The following FAT3 variants were observed in gnomAD, a reference collection of about 807,000 sequenced individuals.
FAT3 encodes FAT atypical cadherin 3, also known as protocadherin Fat 3.
Under a neutral mutation model 310.2 loss-of-function variants are expected in FAT3, and 95 were observed. The observed-to-expected ratio is 0.31, with a 90% CI of 0.26 to 0.36. The LOEUF is 0.36. FAT3 is among the 10% of genes least tolerant of loss of function. FAT3 has a pLI of 1.00. For missense variants in FAT3, 5,408 were observed against 5,715.6 expected (o/e 0.95, Z 1.74); for synonymous variants, 2,314 against 2,192.9 (o/e 1.06, Z -1.54).
At chr11:92,730,717 AT>A (rs1365123396) in intron 4 of FAT3, among the ~76,000 whole-genome samples, 3 of 152,248 alleles carry the variant, frequency 2.0e-5, no homozygotes, top group African/African-American at 7.2e-5. Context: ...TTATTAATGT[AT>A]TTTTAACATG....
At chr11:92,624,235 G>A (rs887196442) in intron 3 of FAT3, among the ~76,000 whole-genome samples, 1 of 152,216 alleles carries the variant, frequency 6.6e-6, no homozygotes, top group Non-Finnish European at 1.5e-5. Context: ...TGGTTGTGTA[G>A]TATTTTGCCG....
chr11:92,564,746 T>A (rs1161633227), intron 3 of FAT3, among the ~76,000 whole-genome samples: 2 of 149,482 alleles, frequency 1.3e-5, no homozygotes, highest in Admixed American at 6.7e-5. Context: ...TCAAAACCAC[T>A]CAACTACATG....
chr11:92,371,553 T>C (rs1949188491), intron 2 of FAT3, among the ~76,000 whole-genome samples: 1 of 152,098 alleles, frequency 6.6e-6, no homozygotes, highest in South Asian at 2.1e-4. Context: ...CCATCTCTAC[T>C]AAAAAATACA....
Position 92,836,647 on chromosome 11 carries a change from A to G in FAT3, c.10168A>G (p.Thr3390Ala), listed in dbSNP as rs769580731. Residue 3390 changes from threonine to alanine, a missense_variant, in exon 16 of 28, where the codon ACT (threonine) becomes GCT (alanine). Thr to Ala is a moderately conservative substitution (Grantham distance 58, BLOSUM62 0). Coordinates refer to ENST00000525166, the MANE Select transcript of FAT3 (RefSeq NM_001367949.2). ...GAATGGAGATCGGGACAATGAATTTACTGTAGATCCTGTCTTGGGACTTGT... is the reference window on the plus strand; with the variant it reads ...GAATGGAGATCGGGACAATGAATTTGCTGTAGATCCTGTCTTGGGACTTGT... ...IVNGDRDNEF[T>A]VDPVLGLVKV... The G allele has an allele frequency of 5.0e-6, 8 of 1,613,710 alleles. No homozygotes were observed. In the Admixed American group the frequency reaches 6.7e-5, roughly 13 times the overall value.
intron 2 of FAT3, among the ~76,000 whole-genome samples, chr11:92,412,181 C>T (rs956421078): frequency 1.1e-4 from 16 of 152,016 alleles, no homozygotes; most frequent in Non-Finnish European, 2.1e-4. Flanking sequence ...AGGCTCACTG[C>T]AATCTTTGCC....
chr11:92,849,825 A>G (rs1033570973), intron 19 of FAT3, among the ~76,000 whole-genome samples: 11 of 152,192 alleles, frequency 7.2e-5, no homozygotes, highest in Non-Finnish European at 4.4e-5. Context: ...TGCTGGAGAT[A>G]CAGTGGTGAA....
chr11:92,586,109 A>C (rs1375144591), intron 3 of FAT3, among the ~76,000 whole-genome samples: 1 of 152,048 alleles, frequency 6.6e-6, no homozygotes, highest in Non-Finnish European at 1.5e-5. Flanking sequence ...TTCAGATAGA[A>C]AAGGTAAAGG....
intron 2 of FAT3, among the ~76,000 whole-genome samples, chr11:92,475,994 G>A (rs1178302733): frequency 6.6e-6 from 1 of 152,100 alleles, no homozygotes; most frequent in African/African-American, 2.4e-5. Flanking sequence ...GACAGCTCAA[G>A]TGAGAGATCA....
At chr11:92,321,319 C>A (rs1007641295) in intron 1 of FAT3, among the ~76,000 whole-genome samples, 2 of 151,964 alleles carry the variant, frequency 1.3e-5, no homozygotes, top group Non-Finnish European at 1.5e-5. Flanking sequence ...TGCCTGTAGT[C>A]CCAGCTCCTT....
intron 4 of FAT3, among the ~76,000 whole-genome samples, chr11:92,699,052 C>A (rs1944020332): frequency 6.6e-6 from 1 of 152,220 alleles, no homozygotes; most frequent in Non-Finnish European, 1.5e-5. Context: ...CATTTGAATT[C>A]ACTCCCCAAA....
chr11:92,502,841 G>T (rs532064939), intron 2 of FAT3, among the ~76,000 whole-genome samples: 1 of 152,008 alleles, frequency 6.6e-6, no homozygotes, highest in East Asian at 1.9e-4. Flanking sequence ...TTCTCAAGAT[G>T]TGTGGAATGA....
chr11:92,360,322 T>C (rs1459038634), intron 2 of FAT3, among the ~76,000 whole-genome samples: 1 of 152,252 alleles, frequency 6.6e-6, no homozygotes, highest in Non-Finnish European at 1.5e-5. Flanking sequence ...CCTTTGAAAT[T>C]CTTTGCTATG....
chr11:92,570,555 T>C (rs1412423837), intron 3 of FAT3, among the ~76,000 whole-genome samples: 1 of 152,212 alleles, frequency 6.6e-6, no homozygotes, highest in Non-Finnish European at 1.5e-5. Context: ...CCACTCTTGT[T>C]TCATTTATAC....
chr11:92,879,270 G>A (rs1949616808), intron 22 of FAT3, among the ~76,000 whole-genome samples: 1 of 152,174 alleles, frequency 6.6e-6, no homozygotes, highest in Admixed American at 6.5e-5. Flanking sequence ...CTAGTGAAAT[G>A]AGAGAGTAAA....
rs186591611 is a variant in FAT3 at position 92,594,523 on chromosome 11, A to G, written c.3607+69575A>G. ...AACCATGAAACAAAGGCCATTTTTC[A>G]TTCCAGTGTATGACCTTAGTCATTC... On this transcript the variant is annotated intron_variant, in intron 3 of 27. Coordinates refer to ENST00000525166, the MANE Select transcript of FAT3 (RefSeq NM_001367949.2). Among the ~76,000 whole-genome samples the G allele has an allele frequency of 3.3e-5, 5 of 152,262 alleles. No homozygotes were observed. In the East Asian group the frequency reaches 9.7e-4, roughly 29 times the overall value.
At chr11:92,341,358 TC>T (rs1948257192) in intron 1 of FAT3, among the ~76,000 whole-genome samples, 1 of 152,108 alleles carries the variant, frequency 6.6e-6, no homozygotes, top group South Asian at 2.1e-4. Context: ...CTGTGGGTAG[TC>T]CCCTGTGGTC....
chr11:92,379,522 C>T (rs1406408843), intron 2 of FAT3, among the ~76,000 whole-genome samples: 1 of 152,174 alleles, frequency 6.6e-6, no homozygotes, highest in Non-Finnish European at 1.5e-5. Context: ...GATTCTGTCC[C>T]TGCCTCCACC....
At chr11:92,531,001 C>T (rs571799948) in intron 3 of FAT3, among the ~76,000 whole-genome samples, 14 of 151,782 alleles carry the variant, frequency 9.2e-5, no homozygotes, top group African/African-American at 3.1e-4. Context: ...TTGTTTCTTT[C>T]GGGATGGCAG....
In FAT3 at chr11:92,730,603, C is replaced by T. The variant is rs192406232; in HGVS notation, c.3670-31253C>T. 9.2e-5 allele frequency among the ~76,000 whole-genome samples: 14 copies of T among 152,248 alleles called. No homozygotes were observed. The East Asian group carries it at 2.7e-3, about 30-fold the overall frequency. ...AGTTACTGTGAAGTTAATGATACTC[C>T]TTATAAAATGTATGTTTGCCTGCTT... On this transcript the variant is annotated intron_variant, in intron 4 of 27. Coordinates refer to ENST00000525166, the MANE Select transcript of FAT3 (RefSeq NM_001367949.2).
Sources: allele counts gnomAD v4.1 joint callset (sites outside exome capture counted in the v4.1 genomes callset), GRCh38; gene constraint gnomAD v4.1.1; transcripts MANE v1.5; gene names NCBI Gene and HGNC (gene_info 2026-07-23, HGNC 2026-07-21).